GDAP1L1: variants seen among roughly 807,000 people sequenced by gnomAD.
GDAP1L1 encodes ganglioside induced differentiation associated protein 1 like 1, also known as ganglioside-induced differentiation-associated protein 1-like 1.
Under a neutral mutation model 37.1 loss-of-function variants are expected in GDAP1L1, and 21 were observed. The observed-to-expected ratio is 0.57, with a 90% CI of 0.40 to 0.81. GDAP1L1 has a LOEUF of 0.81. Ranked by LOEUF, GDAP1L1 falls within the 40% of genes least tolerant of loss-of-function variation. The pLI, the probability that GDAP1L1 is intolerant of heterozygous loss-of-function variation, is 0.00. For missense variants in GDAP1L1, 362 were observed against 491.6 expected (o/e 0.74, Z 2.49); for synonymous variants, 193 against 209.1 (o/e 0.92, Z 0.67).
intron 5 of GDAP1L1, chr20:44,264,848 G>A (rs1300640274): frequency 3.5e-6 from 4 of 1,152,266 alleles, no homozygotes; most frequent in South Asian, 1.8e-5. Context: ...AATAATACAC[G>A]TAGAGTGCTT....
chr20:44,268,659 C>G (rs573357969), intron 5 of GDAP1L1, among the ~76,000 whole-genome samples: 32 of 152,272 alleles, frequency 2.1e-4, no homozygotes, highest in African/African-American at 7.7e-4. Flanking sequence ...AAAGTGAGAC[C>G]TGAAGGATGA....
intron 1 of GDAP1L1, among the ~76,000 whole-genome samples, chr20:44,252,244 G>A (rs1372201500): frequency 6.6e-6 from 1 of 152,228 alleles, no homozygotes; most frequent in African/African-American, 2.4e-5. Context: ...AGGCGTGGTG[G>A]CTCACACCTG....
chr20:44,271,888 G>A (rs148426979), intron 5 of GDAP1L1, among the ~76,000 whole-genome samples: 151 of 152,282 alleles, frequency 9.9e-4, no homozygotes, highest in African/African-American at 3.2e-3. Context: ...CCACAGGCAG[G>A]ATGCAGGGAC....
chr20:44,276,603 T>C (rs1428193946), intron 5 of GDAP1L1, among the ~76,000 whole-genome samples: 1 of 152,238 alleles, frequency 6.6e-6, no homozygotes, highest in Non-Finnish European at 1.5e-5. Flanking sequence ...ATGTTTACTT[T>C]TACCATTGCA....
At chr20:44,258,040 C>T (rs1215397343) in intron 2 of GDAP1L1, 3 of 654,788 alleles carry the variant, frequency 4.6e-6, no homozygotes, top group Admixed American at 4.4e-5. Context: ...ATTGCATAGG[C>T]TCAGACACCC....
intron 5 of GDAP1L1, among the ~76,000 whole-genome samples, chr20:44,268,396 T>C (rs745555028): frequency 6.6e-6 from 1 of 152,220 alleles, no homozygotes; most frequent in African/African-American, 2.4e-5. Flanking sequence ...ATAATCATTA[T>C]TACCATTCTC....
chr20:44,262,963 G>A (rs2073699156), intron 3 of GDAP1L1, among the ~76,000 whole-genome samples: 1 of 151,996 alleles, frequency 6.6e-6, no homozygotes, highest in Admixed American at 6.6e-5. Context: ...TCTCACCTCA[G>A]CCTCCCAAAG....
rs2073728719 is a variant in GDAP1L1 at position 44,264,447 on chromosome 20, C to G, written c.648C>G (p.Ala216=). 1 of 1,494,474 alleles carries G rather than the reference C, an allele frequency of 6.7e-7. No homozygotes were observed. The highest frequency in any genetic ancestry group is 1.4e-5 in the African/African-American group (1 of 71,142). The allele number at this position is 1,494,474 out of a possible 1,614,324, so 92.6% of individuals were successfully genotyped here. A position where few individuals can be genotyped will look rare whatever the true frequency, so the allele number is the denominator to read the frequency against. ...TCTTGGCCCTGTCCTGCCCCCAGGCCAAGATCTTGGAGCATGATGATGTGA... is the reference window on the plus strand; with the variant it reads ...TCTTGGCCCTGTCCTGCCCCCAGGCGAAGATCTTGGAGCATGATGATGTGA... ...PYLSKQKKLM[A]KILEHDDVSY... Residue 216 remains alanine (A), a splice_region_variant and synonymous_variant, in exon 5 of 6, where the codon GCC becomes GCG. Transcript: ENST00000342560.
At chr20:44,249,747 C>T (rs1433246178) in intron 1 of GDAP1L1, among the ~76,000 whole-genome samples, 1 of 152,238 alleles carries the variant, frequency 6.6e-6, no homozygotes, top group African/African-American at 2.4e-5. Context: ...TTCTGTCTCC[C>T]ATACCAGGGC....
intron 5 of GDAP1L1, among the ~76,000 whole-genome samples, chr20:44,275,404 G>C (rs537490115): frequency 6.6e-6 from 1 of 152,260 alleles, no homozygotes; most frequent in African/African-American, 2.4e-5. Context: ...AGGGGGCTCA[G>C]GTTTTGACGG....
At chr20:44,273,477 G>A (rs1191603191) in intron 5 of GDAP1L1, among the ~76,000 whole-genome samples, 7 of 152,154 alleles carry the variant, frequency 4.6e-5, no homozygotes, top group Admixed American at 3.9e-4. Context: ...CATCACAATC[G>A]CACCTCCCTC....
intron 2 of GDAP1L1, 129 bp downstream of exon 2, chr20:44,257,474 T>A: frequency 1.0e-6 from 1 of 985,140 alleles, no homozygotes; most frequent in Non-Finnish European, 1.5e-6. Flanking sequence ...CAAGGCCCAG[T>A]CTCCCCAAAA....
rs1283802111 is a variant in GDAP1L1, at chr20:44,279,127, T to C, written c.931T>C (p.Phe311Leu). Residue 311 changes from phenylalanine to leucine, a missense_variant, in exon 6 of 6, where the codon TTC (phenylalanine) becomes CTC (leucine). This residue lies in a region of GDAP1L1 where 85 missense variants were observed against 154.4 expected (regional missense o/e 0.55). Transcript: ENST00000342560. The stretch of plus-strand genomic sequence containing the variant: ...TGAGAGGGTCCAGAGACGCTTTGCC[T>C]TCCGGAAAGTCCTGGGTGACATCCA... The part of the protein sequence containing the change: ...FFERVQRRFA[F>L]RKVLGDIHTT... The C allele has an allele frequency of 6.2e-7, 1 of 1,614,062 alleles. No homozygotes were observed. Among genetic ancestry groups the C allele is most frequent in the Non-Finnish European group, 8.5e-7 (1 of 1,180,032 alleles).
intron 1 of GDAP1L1, among the ~76,000 whole-genome samples, chr20:44,250,388 A>G (rs1293414612): frequency 6.6e-6 from 1 of 152,228 alleles, no homozygotes; most frequent in Non-Finnish European, 1.5e-5. Flanking sequence ...GGGTCGTTGT[A>G]AGGATTCAGC....
At chr20:44,274,303 C>T (rs1310697448) in intron 5 of GDAP1L1, among the ~76,000 whole-genome samples, 2 of 152,186 alleles carry the variant, frequency 1.3e-5, no homozygotes, top group African/African-American at 4.8e-5. Context: ...CAAACACATG[C>T]TATTTTATTC....
At position 44,264,510 on chromosome 20, in the gene GDAP1L1, G is replaced by A. The variant is rs551465123; in HGVS notation, c.711G>A (p.Val237=). The A allele has an allele frequency of 1.9e-6, 3 of 1,597,116 alleles. No individual in the cohort carries two copies. The highest frequency in any genetic ancestry group is 2.7e-5 in the African/African-American group (2 of 74,402). The change falls in exon 5 of 6, where the codon GTG becomes GTA. Residue 237 remains valine (V), a synonymous_variant. Transcript: ENST00000342560. ...LKKILGELAM[V]LDQIEAELEK... ...AGATCCTCGGGGAACTGGCCATGGT[G>A]CTGGACCAGATTGAGGCGGAGCTGG...
intron 5 of GDAP1L1, among the ~76,000 whole-genome samples, chr20:44,276,463 A>AGAAAGAAG (rs977887973): frequency 6.6e-6 from 1 of 151,730 alleles, no homozygotes; most frequent in African/African-American, 2.4e-5. Context: ...AAAGAAAGAA[A>AGAAAGAAG]GAAAAAGAAA....
chr20:44,264,776 C>T (rs754924137), intron 5 of GDAP1L1: 7 of 1,204,064 alleles, frequency 5.8e-6, no homozygotes, highest in Non-Finnish European at 7.7e-6. Flanking sequence ...ATTCAGTTTC[C>T]CATCTATAAA....
At chr20:44,258,398 C>T in intron 2 of GDAP1L1, 36 bp from the exon 3 acceptor site, 1 of 1,541,376 alleles carries the variant, frequency 6.5e-7, no homozygotes, top group Non-Finnish European at 8.8e-7. Context: ...AGGTGCCCCT[C>T]TGGCTTCCCT....
Sources: allele counts gnomAD v4.1 joint callset (sites outside exome capture counted in the v4.1 genomes callset), GRCh38; gene constraint gnomAD v4.1.1; regional missense constraint gnomAD v4.1.1; transcripts MANE v1.5; gene names NCBI Gene and HGNC (gene_info 2026-07-23, HGNC 2026-07-21).